Variants in MTBP observed in about 807,000 individuals in gnomAD.
The protein encoded by MTBP is MDM2 binding protein, also known as mdm2-binding protein.
A neutral mutation model predicts 117.0 loss-of-function variants in MTBP; 101 were observed. That is an observed-to-expected ratio of 0.86 (90% CI 0.73 to 1.02). The LOEUF is 1.02. MTBP is among the 50% of genes least tolerant of loss of function. MTBP has a pLI of 0.00. For synonymous variants in MTBP, 350 were observed against 351.5 expected (o/e 1.00, Z 0.05); for missense variants, 970 against 1,030.9 (o/e 0.94, Z 0.81).
chr8:120,452,805 G>C (rs1011634451), intron 4 of MTBP: 7 of 140,368 alleles, frequency 5.0e-5, no homozygotes, highest in African/African-American at 8.0e-5. Flanking sequence ...ACTCCAGCCT[G>C]AGCGACAGAG....
At chr8:120,490,288 TC>T (rs1200778839) in intron 12 of MTBP, among the ~76,000 whole-genome samples, 174 bp from the exon 13 acceptor site, 2 of 152,218 alleles carry the variant, frequency 1.3e-5, no homozygotes, top group African/African-American at 2.4e-5. Context: ...ATGCTTATTT[TC>T]TGCTGCTTAA....
intron 11 of MTBP, 42 bp downstream of exon 11, chr8:120,470,979 GT>G: frequency 4.8e-6 from 6 of 1,256,734 alleles, no homozygotes; most frequent in Non-Finnish European, 6.9e-6. Flanking sequence ...ATGCAGCATA[GT>G]TAATGTATGT....
chr8:120,472,514 T>G (rs1380670584), intron 11 of MTBP: 1 of 152,292 alleles, frequency 6.6e-6, no homozygotes, highest in Non-Finnish European at 1.5e-5. Flanking sequence ...TCACGAGAAG[T>G]CATTGATGTG....
chr8:120,497,087 T>G (rs370303591), intron 13 of MTBP, among the ~76,000 whole-genome samples: 1 of 152,246 alleles, frequency 6.6e-6, no homozygotes, highest in East Asian at 1.9e-4. Flanking sequence ...TATTTCTACA[T>G]AACCATGAAC....
chr8:120,453,997 C>A, intron 5 of MTBP, 92 bp downstream of exon 5: 1 of 673,916 alleles, frequency 1.5e-6, no homozygotes, highest in Non-Finnish European at 2.4e-6. Flanking sequence ...TTAGTGTTCT[C>A]ACTCTAATCT....
chr8:120,491,015 ATAAG>A (rs989331255), intron 13 of MTBP, among the ~76,000 whole-genome samples: 8 of 152,280 alleles, frequency 5.3e-5, no homozygotes, highest in South Asian at 2.1e-4. Flanking sequence ...ATCATCAATA[ATAAG>A]TAAGAACATT....
intron 13 of MTBP, among the ~76,000 whole-genome samples, chr8:120,494,199 A>T (rs1304456666): frequency 6.6e-6 from 1 of 152,158 alleles, no homozygotes; most frequent in African/African-American, 2.4e-5. Context: ...TGCTGACCTC[A>T]GGTAGTGTAA....
intron 9 of MTBP, 75 bp from the exon 10 acceptor site, chr8:120,463,617 A>G: frequency 8.2e-7 from 1 of 1,215,502 alleles, no homozygotes; most frequent in Admixed American, 2.2e-5. Flanking sequence ...GAAGAATTGA[A>G]ATAATGAAAC....
chr8:120,476,345 C>G (rs1368745002), intron 11 of MTBP, among the ~76,000 whole-genome samples: 1 of 152,022 alleles, frequency 6.6e-6, no homozygotes, highest in Non-Finnish European at 1.5e-5. Flanking sequence ...AAAACTGGCA[C>G]AAGACAAAGA....
intron 11 of MTBP, chr8:120,472,979 C>T (rs1008200538): frequency 9.2e-5 from 14 of 152,068 alleles, no homozygotes; most frequent in African/African-American, 3.1e-4. Context: ...ATAGTCATCC[C>T]TCAGTATCCA....
rs1488917725 is a variant in MTBP at position 120,459,322 on chromosome 8, A to G, written c.855A>G (p.Pro285=). The G allele has an allele frequency of 1.9e-6, 3 of 1,609,830 alleles. No homozygotes were observed. The highest frequency in any genetic ancestry group is 3.4e-5 in the Admixed American group (2 of 59,374). The change falls in exon 8 of 22, where the codon CCA becomes CCG. Residue 285 remains proline, a synonymous_variant. Coordinates refer to ENST00000305949, the MANE Select transcript of MTBP (RefSeq NM_022045.5). ...ACTTCCTTGCCAAAAAGATCATACC[A>G]TCAAAGGATAAGAATATTTTGCCAA... ...NTDFLAKKII[P]SKDKNILPKV... is the part of the protein sequence containing the mutation.
intron 17 of MTBP, among the ~76,000 whole-genome samples, chr8:120,511,253 A>G (rs1814801790): frequency 6.6e-6 from 1 of 152,162 alleles, no homozygotes; most frequent in African/African-American, 2.4e-5. Context: ...TACTTAAACT[A>G]TATTTTTAGC....
chr8:120,455,315 A>T lies in MTBP; in HGVS notation c.485-120A>T, dbSNP rs111293101. The T allele has an allele frequency of 5.0e-3, 2,673 of 539,014 alleles. 47 individuals are homozygous for T. The highest frequency in any genetic ancestry group is 0.045 in the African/African-American group (2,291 of 50,450). The allele number at this position is 539,014 out of a possible 1,614,324, so 33.4% of individuals were successfully genotyped here. ...AAACTAAAAGCTTCCTTTGTCTTCTAAATAAATATAAAACTAATTTTTCTA... is the reference window on the plus strand; with the variant it reads ...AAACTAAAAGCTTCCTTTGTCTTCTTAATAAATATAAAACTAATTTTTCTA... On this transcript the variant is annotated intron_variant, in intron 5 of 21. Coordinates refer to ENST00000305949, the MANE Select transcript of MTBP (RefSeq NM_022045.5).
intron 7 of MTBP, 23 bp from the exon 8 acceptor site, chr8:120,459,190 CTG>C: frequency 1.3e-6 from 2 of 1,589,254 alleles, no homozygotes; most frequent in Non-Finnish European, 1.7e-6. Context: ...ATACTTGTAA[CTG>C]TGTTTTCTTG....
Position 120,523,368 on chromosome 8 carries a change from A to T in MTBP, c.*32A>T. The T allele has an allele frequency of 7.3e-7, 1 of 1,377,214 alleles. No homozygotes were observed. Among genetic ancestry groups the T allele is most frequent in the Non-Finnish European group, 1.0e-6 (1 of 1,001,064 alleles). The allele number at this position is 1,377,214 out of a possible 1,614,324, so 85.3% of individuals were successfully genotyped here. A position where few individuals can be genotyped will look rare whatever the true frequency, so the allele number is the denominator to read the frequency against. On this transcript the variant is annotated 3_prime_UTR_variant, in exon 22 of 22. Transcript: ENST00000305949. ...ATCATTCTCTTTAAGACAATTATAA[A>T]TTGGATGGAGCTATTATTCACTACT...
intron 15 of MTBP, among the ~76,000 whole-genome samples, chr8:120,506,419 T>G (rs1255220039): frequency 6.6e-6 from 1 of 152,196 alleles, no homozygotes; most frequent in Non-Finnish European, 1.5e-5. Context: ...TAATAGATAA[T>G]GTAATTATGT....
chr8:120,473,172 A>G (rs892860920), intron 11 of MTBP: 1 of 152,138 alleles, frequency 6.6e-6, no homozygotes, highest in Non-Finnish European at 1.5e-5. Context: ...GTTATGCTAT[A>G]TTCTTTTTTT....
chr8:120,496,390 G>C (rs1814458751), intron 13 of MTBP, among the ~76,000 whole-genome samples: 1 of 152,112 alleles, frequency 6.6e-6, no homozygotes. Context: ...ATCCTATTTT[G>C]AAATGGAAGT....
At chr8:120,465,628 G>A (rs1331210672) in intron 10 of MTBP, among the ~76,000 whole-genome samples, 1 of 149,038 alleles carries the variant, frequency 6.7e-6, no homozygotes, top group African/African-American at 2.5e-5. Context: ...AAATTTTACA[G>A]AGAAATTTGT....
Sources: gnomAD v4.1 joint callset for allele counts (sites outside exome capture counted in the v4.1 genomes callset) on GRCh38, gnomAD v4.1.1 for gene constraint, MANE v1.5 for transcripts, NCBI Gene and HGNC (gene_info 2026-07-23, HGNC 2026-07-21) for gene names.